Variants in ATP9A observed in about 807,000 individuals in gnomAD.
ATP9A encodes probable phospholipid-transporting ATPase IIA.
Under a neutral mutation model 144.1 loss-of-function variants are expected in ATP9A, and 52 were observed. The observed-to-expected ratio is 0.36, with a 90% confidence interval of 0.29 to 0.45. The LOEUF (loss-of-function observed/expected upper bound fraction) is 0.45, where lower values mean the gene tolerates loss of function less well. Ranked by LOEUF, ATP9A falls within the 20% of genes least tolerant of loss-of-function variation. The pLI is 1.00. For synonymous variants in ATP9A, 582 were observed against 557.4 expected (o/e 1.04, Z -0.62); for missense variants, 947 against 1,392.7 (o/e 0.68, Z 5.09).
chr20:51,647,715 G>A (rs2077347565), intron 14 of ATP9A, among the ~76,000 whole-genome samples: 1 of 152,046 alleles, frequency 6.6e-6, no homozygotes, highest in Non-Finnish European at 1.5e-5. Flanking sequence ...GGGTAGCAGA[G>A]CGAGACTCTG....
At chr20:51,762,913 T>G (rs2122923500) in intron 1 of ATP9A, among the ~76,000 whole-genome samples, 1 of 151,980 alleles carries the variant, frequency 6.6e-6, no homozygotes, top group South Asian at 2.1e-4. Flanking sequence ...AGAGACAGGG[T>G]TTCACTATGT....
intron 1 of ATP9A, among the ~76,000 whole-genome samples, chr20:51,747,098 G>GTTTTTTTTTTT (rs11467381): frequency 1.4e-5 from 2 of 138,690 alleles, no homozygotes; most frequent in Non-Finnish European, 3.1e-5. Context: ...TGGGTTTTTC[G>GTTTTTTTTTTT]TTTTTTTTTT....
chr20:51,620,415 AG>A (rs2077221820), intron 19 of ATP9A, among the ~76,000 whole-genome samples: 1 of 152,246 alleles, frequency 6.6e-6, no homozygotes, highest in African/African-American at 2.4e-5. Flanking sequence ...CATCACCTGT[AG>A]GGGAAATACA....
intron 23 of ATP9A, 97 bp downstream of exon 23, chr20:51,613,580 A>G (rs1182906946): frequency 7.8e-7 from 1 of 1,276,786 alleles, no homozygotes. Context: ...CATGATAATT[A>G]CATAGCCACA....
chr20:51,727,454 C>A (rs1371356321), intron 2 of ATP9A, among the ~76,000 whole-genome samples: 1 of 151,840 alleles, frequency 6.6e-6, no homozygotes, highest in Non-Finnish European at 1.5e-5. Context: ...AGAGTGGTGG[C>A]ATGCACCCGT....
chr20:51,646,245 T>G (rs2077341894), intron 14 of ATP9A, among the ~76,000 whole-genome samples: 1 of 152,214 alleles, frequency 6.6e-6, no homozygotes. Context: ...TTTTAAAGTT[T>G]TCTCTTTGTA....
At chr20:51,621,147 C>CAA (rs377707016) in intron 19 of ATP9A, among the ~76,000 whole-genome samples, 38,558 of 101,902 alleles carry the variant, frequency 0.38, 5,835 homozygotes, top group Non-Finnish European at 0.4. Context: ...GGCCCCATCT[C>CAA]AAAAAAAAAA....
intron 9 of ATP9A, among the ~76,000 whole-genome samples, chr20:51,678,617 T>C (rs1422186624): frequency 6.6e-6 from 1 of 152,190 alleles, no homozygotes; most frequent in South Asian, 2.1e-4. Context: ...TTCAGGCCCC[T>C]GTCACCACAG....
In ATP9A at chr20:51,729,917, C is replaced by A. The variant is rs769292936; in HGVS notation, c.130G>T (p.Gly44Trp). 6.2e-7 allele frequency: 1 copy of A among 1,604,608 alleles called. No individual in the cohort carries two copies. The highest frequency in any genetic ancestry group is 1.1e-5 in the South Asian group (1 of 90,296). The change falls in exon 2 of 28, where the codon GGG (glycine) becomes TGG (tryptophan). Residue 44 changes from glycine to tryptophan, a missense_variant. Coordinates refer to ENST00000338821, the MANE Select transcript of ATP9A (RefSeq NM_006045.3). ...GEARPRTVWLGHPEKRDQRYP... is the reference protein window; with the variant it reads ...GEARPRTVWLWHPEKRDQRYP... ...CTCTGGTCTCTCTTCTCGGGGTGCC[C>A]CAGCCAGACAGTGCGGGGCCTGGCC...
At chr20:51,670,792 C>A (rs2077452472) in intron 12 of ATP9A, among the ~76,000 whole-genome samples, 1 of 152,158 alleles carries the variant, frequency 6.6e-6, no homozygotes, top group Admixed American at 6.5e-5. Context: ...GCTTCGGCTA[C>A]TATGCGCCCG....
At chr20:51,759,808 CAATT>C (rs1568850457) in intron 1 of ATP9A, among the ~76,000 whole-genome samples, 1 of 152,186 alleles carries the variant, frequency 6.6e-6, no homozygotes, top group Non-Finnish European at 1.5e-5. Flanking sequence ...CCACTATATA[CAATT>C]GATCCTCATA....
chr20:51,753,114 G>C (rs749629879), intron 1 of ATP9A, among the ~76,000 whole-genome samples: 6 of 149,626 alleles, frequency 4.0e-5, no homozygotes, highest in Non-Finnish European at 8.9e-5. Context: ...AAAAAAAAAA[G>C]AAAGAAAGAA....
chr20:51,635,451 C>A (rs1045457395), intron 15 of ATP9A, among the ~76,000 whole-genome samples: 7 of 152,076 alleles, frequency 4.6e-5, no homozygotes, highest in Admixed American at 4.6e-4. Context: ...GAAAACAGAG[C>A]CCCCAGTTAG....
intron 3 of ATP9A, among the ~76,000 whole-genome samples, chr20:51,724,937 G>A (rs2077705826): frequency 6.6e-6 from 1 of 152,194 alleles, no homozygotes; most frequent in Non-Finnish European, 1.5e-5. Context: ...CAGAATGCTT[G>A]GGAGCCGAAG....
At chr20:51,622,829 C>A (rs1442081399) in intron 18 of ATP9A, among the ~76,000 whole-genome samples, 2 of 152,142 alleles carry the variant, frequency 1.3e-5, no homozygotes, top group African/African-American at 4.8e-5. Flanking sequence ...ACCTCATTAA[C>A]CCTTTTGTTC....
intron 3 of ATP9A, among the ~76,000 whole-genome samples, chr20:51,716,552 C>T (rs1373354884): frequency 6.6e-6 from 1 of 151,036 alleles, no homozygotes; most frequent in African/African-American, 2.4e-5. Context: ...ACTCAGGAGG[C>T]TGAGGCAGGA....
intron 12 of ATP9A, among the ~76,000 whole-genome samples, chr20:51,670,802 G>A (rs1183230809): frequency 2.6e-5 from 4 of 152,224 alleles, no homozygotes; most frequent in East Asian, 1.9e-4. Context: ...CTATGCGCCC[G>A]TGACAAGTCA....
chr20:51,707,974 T>G (rs1490108465), intron 4 of ATP9A, among the ~76,000 whole-genome samples: 2 of 152,186 alleles, frequency 1.3e-5, no homozygotes, highest in Non-Finnish European at 2.9e-5. Context: ...CAAGCAATCC[T>G]ACCTCAGCCT....
At chr20:51,764,184 GTAAAGTTA>G (rs2077894155) in intron 1 of ATP9A, among the ~76,000 whole-genome samples, 1 of 152,198 alleles carries the variant, frequency 6.6e-6, no homozygotes, top group African/African-American at 2.4e-5. Flanking sequence ...ACTCAGAGAG[GTAAAGTTA>G]TTTTCCCAAG....
Sources: gnomAD v4.1 joint callset for allele counts (sites outside exome capture counted in the v4.1 genomes callset) on GRCh38, gnomAD v4.1.1 for gene constraint, MANE v1.5 for transcripts, NCBI Gene and HGNC (gene_info 2026-07-23, HGNC 2026-07-21) for gene names.